Variants in XPO6 observed in about 807,000 individuals in gnomAD.
The protein encoded by XPO6 is exportin 6.
XPO6 carries 3 observed loss-of-function variants against 130.0 expected under a neutral mutation model. The ratio of observed to expected loss-of-function variants is 0.02; its 90% CI spans 0.01 to 0.06. XPO6 has a LOEUF of 0.06. Ranked by LOEUF, XPO6 falls within the 10% of genes least tolerant of loss-of-function variation. XPO6 has a pLI of 1.00. For missense variants in XPO6, 970 were observed against 1,393.0 expected (o/e 0.70, Z 4.83); for synonymous variants, 524 against 548.9 (o/e 0.95, Z 0.63).
chr16:28,126,823 G>A (rs1201683186), intron 12 of XPO6: 1 of 152,106 alleles, frequency 6.6e-6, no homozygotes, highest in East Asian at 1.9e-4. Context: ...CAGGAATGAG[G>A]GTGGGGTGGT....
intron 17 of XPO6, 78 bp downstream of exon 17, chr16:28,111,738 CG>C: frequency 6.6e-7 from 1 of 1,526,182 alleles, no homozygotes. Context: ...CAGGAGCCTC[CG>C]GGGCAAATCT....
In XPO6 at chr16:28,098,318, C is replaced by T; in HGVS notation, c.*220G>A. 1 of 495,620 alleles carries T rather than the reference C, an allele frequency of 2.0e-6. No individual in the cohort carries two copies. Among genetic ancestry groups the T allele is most frequent in the South Asian group, 2.9e-5 (1 of 34,972 alleles). The allele number at this position is 495,620 out of a possible 1,614,324, so 30.7% of individuals were successfully genotyped here. ...CTGGCCACACACCCCTCCGCCTGCT[C>T]CAACGCCCTGGGAGCACCGTCCAGT... On this transcript the variant is annotated 3_prime_UTR_variant, in exon 24 of 24. Transcript: ENST00000304658.
chr16:28,133,920 C>A lies in XPO6; in HGVS notation c.1457G>T (p.Trp486Leu). 6.2e-7 allele frequency: 1 copy of A among 1,614,044 alleles called. No individual in the cohort carries two copies. The highest frequency in any genetic ancestry group is 1.1e-5 in the South Asian group (1 of 91,072). Residue 486 changes from tryptophan (W) to leucine (L), a missense_variant, in exon 11 of 24, where the codon TGG becomes TTG. By Grantham distance (61) the Trp-to-Leu change is moderately conservative. This residue lies in a region of XPO6 where 936 missense variants were observed against 1,306.8 expected (regional missense o/e 0.72). Transcript: ENST00000304658. Reference sequence around the variant, plus strand: ...CAAGCTCTGCCGTAAGTACCGCTGCCACTCCGTCTGCTGCTGTAGGGGAAG... The same window carrying A: ...CAAGCTCTGCCGTAAGTACCGCTGCAACTCCGTCTGCTGCTGTAGGGGAAG... ...ETLDDDQQTE[W>L]QRYLRQSLEV...
intron 14 of XPO6, among the ~76,000 whole-genome samples, chr16:28,118,595 G>A (rs992069251): frequency 6.6e-6 from 1 of 152,172 alleles, no homozygotes; most frequent in East Asian, 1.9e-4. Context: ...GACTTCAAGC[G>A]ATCCTTCTGC....
chr16:28,183,109 T>A (rs1320613209), intron 1 of XPO6, among the ~76,000 whole-genome samples: 1 of 152,132 alleles, frequency 6.6e-6, no homozygotes, highest in Non-Finnish European at 1.5e-5. Flanking sequence ...ATCCAGGCAA[T>A]CAACCACCAC....
At chr16:28,137,018 T>C (rs1349430661) in intron 9 of XPO6, among the ~76,000 whole-genome samples, 1 of 152,266 alleles carries the variant, frequency 6.6e-6, no homozygotes, top group East Asian at 1.9e-4. Context: ...GCATCCTTCC[T>C]GTGGGCTTGC....
Position 28,132,235 on chromosome 16 carries a change from G to A in XPO6, c.1606+99C>T, listed in dbSNP as rs2141284899. On this transcript the variant is annotated intron_variant, in intron 12 of 23. Coordinates refer to ENST00000304658, the MANE Select transcript of XPO6 (RefSeq NM_015171.4). The surrounding 1 kb of genome is among the most constrained non-coding windows in gnomAD (Gnocchi z 4.0). ...GAGATGCCAGTGGGGAGGCTGCAGT[G>A]AAGAAATCATGTTCCGACAGCAACG... is the stretch of plus-strand genomic sequence containing the variant. 2.2e-6 allele frequency: 2 copies of A among 919,888 alleles called. No individual in the cohort carries two copies. Among genetic ancestry groups the A allele is most frequent in the East Asian group, 5.4e-5 (2 of 37,050 alleles). 57.0% of individuals were successfully genotyped at this position (919,888 alleles called of 1,614,324 possible).
In XPO6 at chr16:28,117,295, T is replaced by C. The variant is rs542838391; in HGVS notation, c.2004+23A>G. On this transcript the variant is annotated intron_variant, in intron 15 of 23. Transcript: ENST00000304658. ...GAGAGACAGAGAGTTAGATAAAAGGTGTAGGCTTTGCTGTTTCGAGACCTT... is the reference window on the plus strand; with the variant it reads ...GAGAGACAGAGAGTTAGATAAAAGGCGTAGGCTTTGCTGTTTCGAGACCTT... The C allele has an allele frequency of 3.7e-6, 6 of 1,612,828 alleles. No homozygotes were observed. The Admixed American group carries it at 1.0e-4, about 27-fold the overall frequency.
chr16:28,190,639 A>T (rs2043771173), intron 1 of XPO6, among the ~76,000 whole-genome samples: 4 of 152,224 alleles, frequency 2.6e-5, no homozygotes, highest in African/African-American at 9.6e-5. Flanking sequence ...GAAAGGCATG[A>T]CTGAGCCAAT....
chr16:28,209,429 C>T (rs147065031), intron 1 of XPO6, among the ~76,000 whole-genome samples: 1 of 152,146 alleles, frequency 6.6e-6, no homozygotes, highest in African/African-American at 2.4e-5. Context: ...CACCTGAGGT[C>T]AGGAATTCAA....
At chr16:28,154,202 C>A (rs1445726884) in intron 7 of XPO6, 1 of 982,270 alleles carries the variant, frequency 1.0e-6, no homozygotes, top group African/African-American at 1.8e-5. Context: ...TTCAAAGTCA[C>A]CACCCAGCTG....
At chr16:28,147,418 A>G (rs1013420339) in intron 8 of XPO6, among the ~76,000 whole-genome samples, 7 of 139,970 alleles carry the variant, frequency 5.0e-5, no homozygotes, top group Non-Finnish European at 7.7e-5. Context: ...AAAAAAATTA[A>G]AATAGGAAAG....
chr16:28,181,041 G>C lies in XPO6; in HGVS notation c.4-10C>G. ...AGGCTTCTTCAGATGCCTAACAAAG[G>C]AATTTGAAAAAAAATCAATAAGCTG... On this transcript the variant is annotated splice_polypyrimidine_tract_variant and intron_variant, in intron 1 of 23. Transcript: ENST00000304658. 1 of 1,598,954 alleles carries C rather than the reference G, an allele frequency of 6.3e-7. No homozygotes were observed. The highest frequency in any genetic ancestry group is 2.2e-5 in the East Asian group (1 of 44,702).
At chr16:28,135,158 T>G in intron 10 of XPO6, 58 bp downstream of exon 10, 1 of 1,439,460 alleles carries the variant, frequency 6.9e-7, no homozygotes, top group Non-Finnish European at 9.7e-7. Flanking sequence ...CAGGTCCCCA[T>G]TCTGATTGAT....
At chr16:28,112,147 C>G in intron 16 of XPO6, 141 bp from the exon 17 acceptor site, 1 of 927,866 alleles carries the variant, frequency 1.1e-6, no homozygotes, top group South Asian at 1.7e-5. Flanking sequence ...CTGGGCAAGG[C>G]CTTTGGTCCA....
rs565986889 is a variant in XPO6, at chr16:28,129,647, T to C, written c.1606+2687A>G. On this transcript the variant is annotated intron_variant, in intron 12 of 23. Transcript: ENST00000304658. ...AATTTAGTCTTCTCTTTTTGAGGAG[T>C]TGAGGGAGGTCTAAAAATTAGCATT... is the stretch of plus-strand genomic sequence containing the variant. Among the ~76,000 whole-genome samples the C allele has an allele frequency of 3.0e-4, 45 of 151,942 alleles. 1 individual carries two copies. Among genetic ancestry groups the C allele is most frequent in the Admixed American group, 1.9e-3 (29 of 15,250 alleles).
intron 1 of XPO6, among the ~76,000 whole-genome samples, chr16:28,186,371 A>G (rs369710775): frequency 1.2e-3 from 12 of 10,128 alleles, no homozygotes; most frequent in African/African-American, 4.9e-3. Flanking sequence ...TGCCCCAGTT[A>G]TTCTTTTTTT....
rs2141831758 is a variant in XPO6, at chr16:28,159,232, A to T, written c.644-2705T>A. Among the ~76,000 whole-genome samples, 3 of 152,192 alleles carry T rather than the reference A, an allele frequency of 2.0e-5. No homozygotes were observed. The South Asian group carries it at 6.2e-4, about 32-fold the overall frequency. ...GGTGACAGAGCAAGACTCTGTCTTT[A>T]AAAAAAGAAAAAAGAAAAGAAGAAA... On this transcript the variant is annotated intron_variant, in intron 6 of 23. Coordinates refer to ENST00000304658, the MANE Select transcript of XPO6 (RefSeq NM_015171.4).
chr16:28,166,046 T>C (rs574917261), intron 6 of XPO6, among the ~76,000 whole-genome samples: 1 of 151,542 alleles, frequency 6.6e-6, no homozygotes, highest in Admixed American at 6.5e-5. Context: ...TGCTAACTAC[T>C]GCATAGTCTC....
Sources: allele counts gnomAD v4.1 joint callset (sites outside exome capture counted in the v4.1 genomes callset), GRCh38; gene constraint gnomAD v4.1.1; regional missense constraint gnomAD v4.1.1; non-coding constraint Gnocchi (gnomAD v3.1); transcripts MANE v1.5; gene names NCBI Gene and HGNC (gene_info 2026-07-23, HGNC 2026-07-21).